Variants in RIN2 observed in about 807,000 individuals in gnomAD.
The protein encoded by RIN2 is Ras and Rab interactor 2.
A neutral mutation model predicts 78.0 loss-of-function variants in RIN2; 36 were observed. The observed-to-expected ratio is 0.46, with a 90% CI of 0.35 to 0.61. RIN2 has a LOEUF of 0.61. RIN2 is among the 20% of genes least tolerant of loss of function. RIN2 has a pLI of 0.00. For missense variants in RIN2, 1,087 were observed against 1,159.7 expected, an observed-to-expected ratio of 0.94 and a Z score of 0.91; for synonymous variants, 466 against 466.8, an observed-to-expected ratio of 1.00 and a Z score of 0.02.
chr20:19,935,125 C>G lies in RIN2; in HGVS notation c.84C>G (p.Ile28Met). 1 of 1,602,236 alleles carries G rather than the reference C, an allele frequency of 6.2e-7. No homozygotes were observed. Among genetic ancestry groups the G allele is most frequent in the African/African-American group, 1.3e-5 (1 of 74,774 alleles). ...TCATTGACACAATTGCCTCGGAGAT[C>G]GGAGAACTGAAACAGGAGATGGTGC... ...FKLIDTIASE[I>M]GELKQEMVRT... Residue 28 changes from isoleucine (I) to methionine (M), a missense_variant, in exon 4 of 13, where the codon ATC becomes ATG. Coordinates refer to ENST00000255006, the MANE Select transcript of RIN2 (RefSeq NM_018993.4).
At chr20:19,844,656 TCTTCTTCTTCTTC>T (rs1568807531) in intron 2 of RIN2, among the ~76,000 whole-genome samples, 4 of 138,816 alleles carry the variant, frequency 2.9e-5, no homozygotes, top group African/African-American at 5.6e-5. Flanking sequence ...TTCTTCTTCT[TCTTCTTCTTCTTC>T]CTTCTTCTTC....
chr20:19,927,091 G>A (rs2040255056), intron 3 of RIN2, among the ~76,000 whole-genome samples: 1 of 149,418 alleles, frequency 6.7e-6, no homozygotes, highest in South Asian at 2.1e-4. Context: ...GAGGAGATTG[G>A]ACTCCGCGGA....
intron 11 of RIN2, among the ~76,000 whole-genome samples, chr20:19,996,432 G>C (rs768676146): frequency 2.0e-5 from 3 of 152,208 alleles, no homozygotes; most frequent in Admixed American, 6.5e-5. Context: ...AGCCTGGCTT[G>C]TCTGTGCCCC....
chr20:19,898,638 C>T (rs2038845713), intron 3 of RIN2, among the ~76,000 whole-genome samples: 1 of 152,186 alleles, frequency 6.6e-6, no homozygotes, highest in African/African-American at 2.4e-5. Context: ...AAACTGTAAC[C>T]TTTGGTGTTC....
At chr20:19,974,503 G>A in intron 8 of RIN2, 151 bp from the exon 9 acceptor site, 1 of 738,990 alleles carries the variant, frequency 1.4e-6, no homozygotes, top group East Asian at 2.7e-5. Context: ...GCCCTTTCCA[G>A]TAAAGGAATG....
At chr20:19,931,581 T>G (rs2040439779) in intron 3 of RIN2, among the ~76,000 whole-genome samples, 1 of 152,252 alleles carries the variant, frequency 6.6e-6, no homozygotes, top group African/African-American at 2.4e-5. Context: ...AGGTGATATT[T>G]TAATATGCAA....
At chr20:19,847,054 C>G (rs1266818858) in intron 2 of RIN2, among the ~76,000 whole-genome samples, 2 of 152,298 alleles carry the variant, frequency 1.3e-5, no homozygotes, top group South Asian at 2.1e-4. Flanking sequence ...TTTTGTTTAT[C>G]TCTTTTTGTA....
At chr20:19,817,983 G>A (rs2035813868) in intron 2 of RIN2, among the ~76,000 whole-genome samples, 1 of 151,928 alleles carries the variant, frequency 6.6e-6, no homozygotes, top group Non-Finnish European at 1.5e-5. Context: ...GCATCATTTG[G>A]CAATTTTGCC....
chr20:19,860,472 A>C (rs566074342), intron 2 of RIN2, among the ~76,000 whole-genome samples: 1 of 141,096 alleles, frequency 7.1e-6, no homozygotes, highest in Admixed American at 7.0e-5. Context: ...GGCACACACC[A>C]CCACACCCAG....
At chr20:19,902,985 C>T (rs1165775193) in intron 3 of RIN2, among the ~76,000 whole-genome samples, 2 of 151,928 alleles carry the variant, frequency 1.3e-5, no homozygotes, top group African/African-American at 2.4e-5. Context: ...CCCAGCTACT[C>T]GGGAGGCTGA....
chr20:19,967,920 T>C (rs17303415), intron 7 of RIN2, among the ~76,000 whole-genome samples: 6,797 of 152,308 alleles, frequency 0.045, 214 homozygotes, highest in Admixed American at 0.092. Context: ...ATTAGGATGA[T>C]GAAAACACTG....
chr20:19,983,993 T>C (rs2042546219), intron 9 of RIN2, among the ~76,000 whole-genome samples: 1 of 152,048 alleles, frequency 6.6e-6, no homozygotes, highest in Admixed American at 6.6e-5. Flanking sequence ...ACTCATCATT[T>C]ACATTAGGTA....
At chr20:19,979,537 G>A (rs1204596812) in intron 9 of RIN2, among the ~76,000 whole-genome samples, 1 of 152,096 alleles carries the variant, frequency 6.6e-6, no homozygotes, top group Non-Finnish European at 1.5e-5. Flanking sequence ...AGAGTATAGC[G>A]CATATAGAAA....
chr20:19,872,558 G>A (rs2037721727), intron 2 of RIN2, among the ~76,000 whole-genome samples: 1 of 151,998 alleles, frequency 6.6e-6, no homozygotes, highest in South Asian at 2.1e-4. Flanking sequence ...AATACGCCCA[G>A]GAGCAATTCT....
chr20:19,972,413 C>T (rs1281286228), intron 8 of RIN2, among the ~76,000 whole-genome samples: 1 of 152,022 alleles, frequency 6.6e-6, no homozygotes, highest in Non-Finnish European at 1.5e-5. Context: ...TGTGCCATGC[C>T]GAGAGAGGTG....
intron 4 of RIN2, among the ~76,000 whole-genome samples, chr20:19,945,932 A>C (rs138853266): frequency 6.6e-6 from 1 of 152,272 alleles, no homozygotes; most frequent in Non-Finnish European, 1.5e-5. Flanking sequence ...CCTGATAAGC[A>C]CAGAAACAAG....
intron 9 of RIN2, among the ~76,000 whole-genome samples, chr20:19,976,069 G>C (rs1452218469): frequency 6.6e-6 from 1 of 152,214 alleles, no homozygotes; most frequent in East Asian, 1.9e-4. Context: ...GTGGTAACGT[G>C]TGTGTGTTAC....
intron 2 of RIN2, among the ~76,000 whole-genome samples, chr20:19,800,208 C>T (rs563240843): frequency 6.6e-5 from 10 of 152,316 alleles, no homozygotes; most frequent in Non-Finnish European, 8.8e-5. Context: ...CAGTTCCCAC[C>T]ACCTTGCTTC....
chr20:19,828,188 ATC>A (rs1422358314), intron 2 of RIN2, among the ~76,000 whole-genome samples: 1 of 152,176 alleles, frequency 6.6e-6, no homozygotes, highest in Non-Finnish European at 1.5e-5. Context: ...ACTTTGTGAA[ATC>A]TCTGTTTGTA....
Sources: gnomAD v4.1 joint callset for allele counts (sites outside exome capture counted in the v4.1 genomes callset) on GRCh38, gnomAD v4.1.1 for gene constraint, MANE v1.5 for transcripts, NCBI Gene and HGNC (gene_info 2026-07-23, HGNC 2026-07-21) for gene names.